Variants in LRSAM1 observed in about 807,000 individuals in gnomAD.
The protein encoded by LRSAM1 is leucine rich repeat and sterile alpha motif containing 1.
In LRSAM1, 96 loss-of-function variants were observed where a neutral mutation model predicts 118.1. That is an observed-to-expected ratio of 0.81 (90% CI 0.69 to 0.96). LRSAM1 has a LOEUF of 0.96. Among genes scored for constraint, LRSAM1 ranks in the 40% least tolerant of loss-of-function variants. The probability of loss-of-function intolerance (pLI) is 0.00; values close to 1 mark genes in which losing one functional copy is unlikely to be tolerated. For synonymous variants in LRSAM1, 322 were observed against 364.2 expected (o/e 0.88, Z 1.32); for missense variants, 804 against 915.5 (o/e 0.88, Z 1.57).
intron 10 of LRSAM1, 94 bp from the exon 11 acceptor site, chr9:127,473,707 G>T (rs1835253686): frequency 9.6e-6 from 15 of 1,570,604 alleles, no homozygotes; most frequent in Middle Eastern, 1.7e-4. Context: ...GCTGAGTCAG[G>T]GTGGGGCCGG....
chr9:127,490,515 C>T (rs1015863275), intron 19 of LRSAM1, among the ~76,000 whole-genome samples: 4 of 152,108 alleles, frequency 2.6e-5, no homozygotes, highest in African/African-American at 9.7e-5. Flanking sequence ...CCCACATTCT[C>T]ACTGCAGATG....
At chr9:127,472,980 C>G (rs1186231549) in intron 10 of LRSAM1, among the ~76,000 whole-genome samples, 1 of 152,162 alleles carries the variant, frequency 6.6e-6, no homozygotes, top group African/African-American at 2.4e-5. Flanking sequence ...CCATCAGTCT[C>G]CATCCCATGA....
At chr9:127,492,962 T>G in intron 21 of LRSAM1, 65 bp downstream of exon 21, 1 of 1,367,166 alleles carries the variant, frequency 7.3e-7, no homozygotes, top group East Asian at 2.3e-5. Flanking sequence ...AGACTTGCCA[T>G]TTTTAGAAAC....
chr9:127,463,122 C>T (rs1834811149), intron 9 of LRSAM1, among the ~76,000 whole-genome samples: 3 of 151,398 alleles, frequency 2.0e-5, no homozygotes, highest in Non-Finnish European at 4.4e-5. Context: ...TTGCTTGAAC[C>T]CGGGAGGCGG....
chr9:127,482,014 T>C (rs1588123056), intron 15 of LRSAM1, among the ~76,000 whole-genome samples: 1 of 152,132 alleles, frequency 6.6e-6, no homozygotes, highest in South Asian at 2.1e-4. Flanking sequence ...ACATAAATTA[T>C]GTATGGAGGA....
chr9:127,474,551 T>G (rs1564266027), intron 11 of LRSAM1, among the ~76,000 whole-genome samples: 1 of 152,178 alleles, frequency 6.6e-6, no homozygotes, highest in Non-Finnish European at 1.5e-5. Context: ...ATCACAGCGC[T>G]AAATTGATGA....
At chr9:127,462,521 C>T in intron 9 of LRSAM1, 148 bp downstream of exon 9, 1 of 1,235,140 alleles carries the variant, frequency 8.1e-7, no homozygotes, top group South Asian at 1.2e-5. Flanking sequence ...GTAGAGAGGC[C>T]AATGTGTGAA....
At chr9:127,468,834 A>AT (rs58468837) in intron 10 of LRSAM1, among the ~76,000 whole-genome samples, 1 of 110,192 alleles carries the variant, frequency 9.1e-6, no homozygotes, top group Non-Finnish European at 1.9e-5. Context: ...AAAAAAAAAA[A>AT]AAAAATCAGC....
Position 127,487,770 on chromosome 9 carries a change from C to T in LRSAM1, c.1347+7C>T, listed in dbSNP as rs771741363. 6.2e-7 allele frequency: 1 copy of T among 1,610,836 alleles called. No individual in the cohort carries two copies. Among genetic ancestry groups the T allele is most frequent in the East Asian group, 2.2e-5 (1 of 44,852 alleles). On this transcript the variant is annotated splice_region_variant and intron_variant, in intron 18 of 25. Transcript: ENST00000300417. ...CAGCCAGATCCTGCAGGAGGTGAGC[C>T]CTCGCCCAGAGCCTGAGGGTGGGAG...
chr9:127,479,542 AT>A, intron 13 of LRSAM1, 37 bp downstream of exon 13: 2 of 1,609,196 alleles, frequency 1.2e-6, no homozygotes, highest in Admixed American at 1.7e-5. Context: ...GCCTGGCTGC[AT>A]CCCCCAGCCA....
chr9:127,489,936 T>A lies in LRSAM1; in HGVS notation c.1422+418T>A, dbSNP rs1207909196. ...AGGCGTCTCAGGGGCATATAGTATT[T>A]CCCCCAGAAGAGGGCAGGGGGAGCT... is the stretch of plus-strand genomic sequence containing the variant. On this transcript the variant is annotated intron_variant, in intron 19 of 25. Transcript: ENST00000300417. Among the ~76,000 whole-genome samples the A allele has an allele frequency of 2.0e-5, 3 of 152,122 alleles. No homozygotes were observed. In the East Asian group the frequency reaches 5.8e-4, roughly 29 times the overall value.
chr9:127,465,788 A>C lies in LRSAM1; in HGVS notation c.529-1952A>C, dbSNP rs1025661044. Among the ~76,000 whole-genome samples, 1 of 151,938 alleles carries C rather than the reference A, an allele frequency of 6.6e-6. No individual in the cohort carries two copies. The highest frequency in any genetic ancestry group is 1.5e-5 in the Non-Finnish European group (1 of 67,998). On this transcript the variant is annotated intron_variant, in intron 9 of 25. Transcript: ENST00000300417. The surrounding 1 kb of genome is among the most constrained non-coding windows in gnomAD (Gnocchi z 4.1). ...ATAGAGGATATCAGTGCCTGCCAGCACTCTGGGATGAGAGGGCCTGTGGGA... is the reference window on the plus strand; with the variant it reads ...ATAGAGGATATCAGTGCCTGCCAGCCCTCTGGGATGAGAGGGCCTGTGGGA...
chr9:127,473,119 G>A (rs1258416802), intron 10 of LRSAM1, among the ~76,000 whole-genome samples: 1 of 152,170 alleles, frequency 6.6e-6, no homozygotes, highest in East Asian at 1.9e-4. Flanking sequence ...CCTTGATTCT[G>A]TGAATATTTT....
At chr9:127,470,006 C>G (rs1015540561) in intron 10 of LRSAM1, among the ~76,000 whole-genome samples, 18 of 150,906 alleles carry the variant, frequency 1.2e-4, no homozygotes, top group Non-Finnish European at 1.0e-4. Context: ...CTGGTGATAC[C>G]AAGAATTAGC....
At chr9:127,499,305 T>G (rs1349463779) in intron 24 of LRSAM1, among the ~76,000 whole-genome samples, 1 of 151,654 alleles carries the variant, frequency 6.6e-6, no homozygotes, top group Non-Finnish European at 1.5e-5. Flanking sequence ...GCTTGGGAGG[T>G]CGAGGCTGCA....
chr9:127,476,298 T>C (rs2132054378), intron 11 of LRSAM1, among the ~76,000 whole-genome samples: 1 of 152,282 alleles, frequency 6.6e-6, no homozygotes, highest in Admixed American at 6.5e-5. Flanking sequence ...CAGAACAGGA[T>C]GGGCTAGTCT....
At chr9:127,486,277 G>A (rs957560581) in intron 17 of LRSAM1, 1 of 236,052 alleles carries the variant, frequency 4.2e-6, no homozygotes, top group Admixed American at 5.1e-5. Flanking sequence ...ACACTCATCA[G>A]TGTCTGAGGA....
intron 11 of LRSAM1, 84 bp downstream of exon 11, chr9:127,474,015 G>C (rs568040152): frequency 1.3e-6 from 2 of 1,594,802 alleles, no homozygotes; most frequent in Non-Finnish European, 1.7e-6. Flanking sequence ...GGAATGGAAG[G>C]GGGCGGTGGT....
At chr9:127,490,819 C>T (rs989180032) in intron 19 of LRSAM1, among the ~76,000 whole-genome samples, 1 of 152,148 alleles carries the variant, frequency 6.6e-6, no homozygotes, top group Non-Finnish European at 1.5e-5. Flanking sequence ...CCTGCAACAG[C>T]GATGCGAGGG....
Sources: gnomAD v4.1 joint callset for allele counts (sites outside exome capture counted in the v4.1 genomes callset) on GRCh38, gnomAD v4.1.1 for gene constraint, Gnocchi (gnomAD v3.1) non-coding constraint, MANE v1.5 for transcripts, NCBI Gene and HGNC (gene_info 2026-07-23, HGNC 2026-07-21) for gene names.